ZNF18: variants seen among roughly 807,000 people sequenced by gnomAD.
ZNF18 encodes zinc finger protein 18.
ZNF18 carries 42 observed loss-of-function variants against 58.1 expected under a neutral mutation model. That is an observed-to-expected ratio of 0.72 (90% CI 0.56 to 0.93). ZNF18 has a LOEUF of 0.93. ZNF18 is among the 40% of genes least tolerant of loss of function. The pLI is 0.00. For synonymous variants in ZNF18, 231 were observed against 239.8 expected, an observed-to-expected ratio of 0.96 and a Z score of 0.34; for missense variants, 540 against 644.2, an observed-to-expected ratio of 0.84 and a Z score of 1.75.
At chr17:11,999,669 C>T (rs138007083), upstream of ZNF18, among the ~76,000 whole-genome samples, 3 of 152,288 alleles carry the variant, frequency 2.0e-5, no homozygotes, top group East Asian at 1.9e-4. Context: ...CACACAAAGT[C>T]CCAGCCCTCC....
At chr17:12,000,211 A>C (rs1968632392), upstream of ZNF18, among the ~76,000 whole-genome samples, 2 of 152,256 alleles carry the variant, frequency 1.3e-5, no homozygotes, top group African/African-American at 4.8e-5. Context: ...GCGAGCCACC[A>C]GGCCCACCCA....
At chr17:11,998,877 T>C (rs926932801), upstream of ZNF18, among the ~76,000 whole-genome samples, 6 of 148,238 alleles carry the variant, frequency 4.0e-5, no homozygotes, top group East Asian at 1.0e-3. Context: ...GGTTTCACCA[T>C]GTTGGCCAGG....
At chr17:12,014,032 A>T in the ZNF18 span, among the ~76,000 whole-genome samples, 1 of 152,262 alleles carries the variant, frequency 6.6e-6, no homozygotes, top group East Asian at 1.9e-4. Context: ...TTAGTTTATA[A>T]GAAATATAAT....
chr17:11,991,462 C>T (rs1968123580), intron 2 of ZNF18, among the ~76,000 whole-genome samples: 1 of 152,210 alleles, frequency 6.6e-6, no homozygotes, highest in Non-Finnish European at 1.5e-5. Context: ...CTCAAACATT[C>T]TAGTCTAAAG....
At chr17:12,004,204 C>A in the ZNF18 span, among the ~76,000 whole-genome samples, 1 of 151,200 alleles carries the variant, frequency 6.6e-6, no homozygotes, top group Non-Finnish European at 1.5e-5. Flanking sequence ...GCACTCCAGC[C>A]TGGGTGACAG....
chr17:12,001,814 A>G (rs1045472009), upstream of ZNF18, among the ~76,000 whole-genome samples: 14 of 152,146 alleles, frequency 9.2e-5, no homozygotes, highest in Non-Finnish European at 1.5e-4. Context: ...TATAATTATT[A>G]TTCATGAATT....
At chr17:12,009,995 T>A in the ZNF18 span, among the ~76,000 whole-genome samples, 2 of 152,188 alleles carry the variant, frequency 1.3e-5, no homozygotes, top group African/African-American at 4.8e-5. Context: ...AACATCACCT[T>A]TTCCTTGACT....
rs566973721 is a variant in ZNF18 at position 11,987,884 on chromosome 17, A to G, written c.666+2578T>C. Among the ~76,000 whole-genome samples, 12 of 152,214 alleles carry G rather than the reference A, an allele frequency of 7.9e-5. No individual in the cohort carries two copies. In the South Asian group the frequency reaches 2.5e-3, roughly 32 times the overall value. On this transcript the variant is annotated intron_variant, in intron 4 of 6. Transcript: ENST00000580306. ...CCCCAGAGTAAACTATGAAATTGGT[A>G]TTCTAGTTTTTATATATCTGAGCCT... is the stretch of plus-strand genomic sequence containing the variant.
rs377533059 is a variant in ZNF18 at position 11,983,337 on chromosome 17, G to A, written c.822C>T (p.Tyr274=). The change falls in exon 6 of 7, where the codon TAC becomes TAT. Residue 274 remains tyrosine, a synonymous_variant. Transcript: ENST00000580306. ...IEFGEELAGI[Y]LHVNEKIPRP... ...TTGGGATCTTCTCATTGACATGAAG[G>A]TATATTCCTGCCAGCTCTTCCCCAA... 9.3e-6 allele frequency: 15 copies of A among 1,613,886 alleles called. No homozygotes were observed. The highest frequency in any genetic ancestry group is 5.3e-5 in the African/African-American group (4 of 74,906).
At chr17:12,010,946 A>G in the ZNF18 span, 7 of 678,134 alleles carry the variant, frequency 1.0e-5, no homozygotes, top group Admixed American at 1.9e-5. Flanking sequence ...AACATGCCCA[A>G]TACACACATT....
upstream of ZNF18, among the ~76,000 whole-genome samples, chr17:11,998,189 C>G (rs1282144490): frequency 6.6e-6 from 1 of 152,204 alleles, no homozygotes; most frequent in Non-Finnish European, 1.5e-5. Context: ...TCCCTTCTCA[C>G]TATCCCTCCC....
At chr17:12,020,922 CG>C in the ZNF18 span, 2 of 1,217,602 alleles carry the variant, frequency 1.6e-6, no homozygotes, top group Non-Finnish European at 2.0e-6. Flanking sequence ...GCGGCGGCTC[CG>C]GGGGCGGCAG....
upstream of ZNF18, among the ~76,000 whole-genome samples, chr17:11,998,980 G>A (rs138678764): frequency 0.01 from 1,565 of 152,114 alleles, 14 homozygotes; most frequent in Non-Finnish European, 0.013. Flanking sequence ...CTAGCTGGAC[G>A]TTTCTAACAT....
intron 6 of ZNF18, among the ~76,000 whole-genome samples, chr17:11,980,711 A>G (rs116306262): frequency 0.011 from 1,634 of 152,160 alleles, 31 homozygotes; most frequent in African/African-American, 0.037. Context: ...GAGCCACCGC[A>G]CCAGCCTGAT....
In ZNF18 at chr17:11,978,619, T is replaced by G; in HGVS notation, c.988A>C (p.Thr330Pro). ...PSQASLRGFFTEDEPGCFGEG... is the reference protein window; with the variant it reads ...PSQASLRGFFPEDEPGCFGEG... The stretch of plus-strand genomic sequence containing the variant: ...CCAAAGCATCCTGGCTCATCCTCAG[T>G]GAAGAAGCCCCTCAAGGAAGCCTGA... Residue 330 changes from threonine (T) to proline (P), a missense_variant, in exon 7 of 7, where the codon ACT becomes CCT. Physicochemically the swap from Thr to Pro is conservative, Grantham distance 38. Transcript: ENST00000580306. 3 of 1,614,040 alleles carry G rather than the reference T, an allele frequency of 1.9e-6. No individual in the cohort carries two copies. The highest frequency in any genetic ancestry group is 2.5e-6 in the Non-Finnish European group (3 of 1,180,016).
At position 11,981,056 on chromosome 17, in the gene ZNF18, A is replaced by G. The variant is rs190763172; in HGVS notation, c.862+2241T>C. On this transcript the variant is annotated intron_variant, in intron 6 of 6. Transcript: ENST00000580306. ...GAGCTGTTCTTCCATATGGTCAACT[A>G]TAACAGCATATTCACTCTCTATATT... is the stretch of plus-strand genomic sequence containing the variant. Among the ~76,000 whole-genome samples the G allele has an allele frequency of 4.5e-4, 68 of 152,210 alleles. 2 individuals are homozygous for G. The East Asian group carries it at 0.013, about 29-fold the overall frequency.
At chr17:12,010,770 C>T in the ZNF18 span, 1 of 349,436 alleles carries the variant, frequency 2.9e-6, no homozygotes, top group Non-Finnish European at 5.4e-6. Context: ...GAATATGTTC[C>T]AGCACCTCAG....
chr17:11,983,589 G>A (rs1276663392), intron 5 of ZNF18, among the ~76,000 whole-genome samples, 182 bp from the exon 6 acceptor site: 1 of 152,166 alleles, frequency 6.6e-6, no homozygotes, highest in Non-Finnish European at 1.5e-5. Context: ...GGATGACCTT[G>A]ACAGATGGTA....
intron 4 of ZNF18, among the ~76,000 whole-genome samples, chr17:11,985,757 G>A (rs1597961095): frequency 6.6e-6 from 1 of 152,232 alleles, no homozygotes; most frequent in East Asian, 1.9e-4. Context: ...TTAGCAAACA[G>A]GTCCTCAGTA....
Sources: allele counts gnomAD v4.1 joint callset (sites outside exome capture counted in the v4.1 genomes callset), GRCh38; gene constraint gnomAD v4.1.1; transcripts MANE v1.5; gene names NCBI Gene and HGNC (gene_info 2026-07-23, HGNC 2026-07-21).